Variants in GUF1 observed in about 807,000 individuals in gnomAD.
GUF1 encodes the protein translation factor GUF1, mitochondrial.
GUF1 carries 78 observed loss-of-function variants against 82.4 expected under a neutral mutation model. The ratio of observed to expected loss-of-function variants is 0.95; its 90% CI spans 0.79 to 1.14. The LOEUF (loss-of-function observed/expected upper bound fraction) is 1.14, where lower values mean the gene tolerates loss of function less well. Among genes scored for constraint, GUF1 ranks in the 50% most tolerant of loss-of-function variants. The pLI is 0.00. For synonymous variants in GUF1, 279 were observed against 282.3 expected, an observed-to-expected ratio of 0.99 and a Z score of 0.12; for missense variants, 814 against 798.2, an observed-to-expected ratio of 1.02 and a Z score of -0.24.
At chr4:44,691,139 T>A (rs1375669683) in intron 12 of GUF1, among the ~76,000 whole-genome samples, 2 of 151,708 alleles carry the variant, frequency 1.3e-5, no homozygotes, top group East Asian at 3.9e-4. Flanking sequence ...TAATTTCGCC[T>A]TTTTGAGTAG....
chr4:44,690,639 TTAAAA>T, intron 11 of GUF1, 73 bp from the exon 12 acceptor site: 1 of 834,170 alleles, frequency 1.2e-6, no homozygotes, highest in Non-Finnish European at 1.8e-6. Flanking sequence ...TGGAGGGATT[TTAAAA>T]TATAAGGCAA....
At position 44,686,649 on chromosome 4, in the gene GUF1, CAA is replaced by C. The variant is rs1414729447; in HGVS notation, c.877_878del (p.Lys293AspfsTer5). 5 of 1,611,714 alleles carry C rather than the reference CAA, an allele frequency of 3.1e-6. No individual in the cohort carries two copies. Among genetic ancestry groups the C allele is most frequent in the African/African-American group, 2.7e-5 (2 of 74,762 alleles). On this transcript the variant is annotated frameshift_variant, in exon 8 of 17. Transcript: ENST00000281543. LOFTEE classifies it high-confidence loss of function. Reference protein sequence around the residue: ...KGDKIVSAHTQKTYEVNEVGV... With the variant: ...KGDKIVSAHTXKTYEVNEVGV... ...AGATAAAATTGTATCTGCACATACT[CAA>C]AAGACATACGAAGTTAATGAAGTAG...
intron 9 of GUF1, among the ~76,000 whole-genome samples, chr4:44,688,978 A>T (rs1279562386): frequency 4.0e-5 from 6 of 149,520 alleles, no homozygotes; most frequent in Non-Finnish European, 7.4e-5. Flanking sequence ...TTGAAATTAC[A>T]CTGTGTTTTC....
intron 3 of GUF1, 122 bp from the exon 4 acceptor site, chr4:44,681,001 A>G: frequency 2.7e-6 from 3 of 1,115,276 alleles, no homozygotes; most frequent in Non-Finnish European, 4.0e-6. Flanking sequence ...TCAAAAGTGC[A>G]GGCTACAAAA....
rs938377469 is a variant in GUF1 at position 44,678,528 on chromosome 4, T to C, written c.-95T>C. 7.0e-5 allele frequency: 71 copies of C among 1,018,488 alleles called. No individual in the cohort carries two copies. In the African/African-American group the frequency reaches 1.1e-3, roughly 16 times the overall value. The allele number at this position is 1,018,488 out of a possible 1,614,324, so 63.1% of individuals were successfully genotyped here. On this transcript the variant is annotated 5_prime_UTR_variant, in exon 1 of 17. Transcript: ENST00000281543. Reference sequence around the variant, plus strand: ...CTTCACAGGATCTGTTTGAGTCCTGTCCACCGGATCCTACGGGGGGTACCT... The same window carrying C: ...CTTCACAGGATCTGTTTGAGTCCTGCCCACCGGATCCTACGGGGGGTACCT...
At chr4:44,680,169 G>C (rs779672869) in intron 1 of GUF1, among the ~76,000 whole-genome samples, 6 of 152,040 alleles carry the variant, frequency 3.9e-5, no homozygotes, top group Admixed American at 6.5e-5. Flanking sequence ...CTCCATTCAC[G>C]ATAATAAATT....
intron 13 of GUF1, chr4:44,693,851 T>G (rs981121937): frequency 1.3e-5 from 2 of 152,688 alleles, no homozygotes; most frequent in Non-Finnish European, 2.9e-5. Flanking sequence ...ACACTTATTA[T>G]GTACTAGGCA....
At position 44,691,713 on chromosome 4, in the gene GUF1, A is replaced by ATATCATAATT; in HGVS notation, c.1527_1528insTATCATAATT (p.Val510TyrfsTer7). 2 of 1,583,884 alleles carry ATATCATAATT rather than the reference A, an allele frequency of 1.3e-6. No homozygotes were observed. Among genetic ancestry groups the ATATCATAATT allele is most frequent in the Non-Finnish European group, 1.7e-6 (2 of 1,157,652 alleles). On this transcript the variant is annotated frameshift_variant, in exon 13 of 17. Coordinates refer to ENST00000281543, the MANE Select transcript of GUF1 (RefSeq NM_021927.3). LOFTEE classifies it high-confidence loss of function. ...ATATGATATTTATTGATCAAAATAG[A>ATATCATAATT]GTTATGCTTAAATATCTCTTTCCTT...
At position 44,699,341 on chromosome 4, in the gene GUF1, C is replaced by T. The variant is rs1424857559; in HGVS notation, c.*660C>T. 6.6e-6 allele frequency: 1 copy of T among 152,246 alleles called. No homozygotes were observed. The highest frequency in any genetic ancestry group is 6.5e-5 in the Admixed American group (1 of 15,276). The allele number at this position is 152,246 out of a possible 1,614,324, so 9.4% of individuals were successfully genotyped here. On this transcript the variant is annotated 3_prime_UTR_variant, in exon 17 of 17. Transcript: ENST00000281543. ...TCCATTACAGGCGTGCACCACCATG[C>T]TCGGCTAATTTTTTGTATCTTTAGT...
In GUF1 at chr4:44,695,726, A is replaced by T. The variant is rs780220319; in HGVS notation, c.1827A>T (p.Ala609=). 1 of 1,610,468 alleles carries T rather than the reference A, an allele frequency of 6.2e-7. No individual in the cohort carries two copies. Among genetic ancestry groups the T allele is most frequent in the Non-Finnish European group, 8.5e-7 (1 of 1,178,988 alleles). Residue 609 remains alanine (A), a synonymous_variant, in exon 15 of 17, where the codon GCA becomes GCT. Coordinates refer to ENST00000281543, the MANE Select transcript of GUF1 (RefSeq NM_021927.3). ...CTGCTATTGGAAGTAAAATCATTGC[A>T]AGAGAAACGTGAGTTGAAATTCATT... ...IQAAIGSKII[A]RETVKAYRKN...
chr4:44,687,761 A>G lies in GUF1; in HGVS notation c.939-246A>G, dbSNP rs572977116. Among the ~76,000 whole-genome samples, 4 of 152,078 alleles carry G rather than the reference A, an allele frequency of 2.6e-5. No individual in the cohort carries two copies. The South Asian group carries it at 8.3e-4, about 32-fold the overall frequency. On this transcript the variant is annotated intron_variant, in intron 8 of 16. Coordinates refer to ENST00000281543, the MANE Select transcript of GUF1 (RefSeq NM_021927.3). ...TTTAGAAACTGCTGTTTAAATTGCAAAGGTTGGCAGAATCATGAAAAAGGC... is the reference window on the plus strand; with the variant it reads ...TTTAGAAACTGCTGTTTAAATTGCAGAGGTTGGCAGAATCATGAAAAAGGC...
Position 44,678,664 on chromosome 4 carries a change from T to G in GUF1, c.42T>G (p.Ala14=). The part of the protein sequence containing the change: ...LVGRGWGCAR[A]LAPRATGAAL... Reference sequence around the variant, plus strand: ...GTCGGGGCTGGGGGTGCGCACGCGCTCTCGCGCCACGAGCCACTGGGGCCG... The same window carrying G: ...GTCGGGGCTGGGGGTGCGCACGCGCGCTCGCGCCACGAGCCACTGGGGCCG... Residue 14 remains alanine (A), a synonymous_variant, in exon 1 of 17, where the codon GCT becomes GCG. Transcript: ENST00000281543. The G allele has an allele frequency of 4.7e-6, 7 of 1,490,292 alleles. No homozygotes were observed. Among genetic ancestry groups the G allele is most frequent in the Non-Finnish European group, 6.2e-6 (7 of 1,134,286 alleles). The allele number at this position is 1,490,292 out of a possible 1,614,324, so 92.3% of individuals were successfully genotyped here. A position where few individuals can be genotyped will look rare whatever the true frequency, so the allele number is the denominator to read the frequency against.
chr4:44,691,464 A>G (rs964556078), intron 12 of GUF1, among the ~76,000 whole-genome samples: 4 of 151,750 alleles, frequency 2.6e-5, no homozygotes, highest in Non-Finnish European at 4.4e-5. Flanking sequence ...GTTAAATGAA[A>G]TAGTGTTCAT....
intron 16 of GUF1, 62 bp from the exon 17 acceptor site, chr4:44,698,481 TA>T: frequency 1.5e-6 from 2 of 1,303,068 alleles, no homozygotes; most frequent in Non-Finnish European, 2.1e-6. Flanking sequence ...GATGCCGCTG[TA>T]ATCATATGAT....
intron 7 of GUF1, 76 bp downstream of exon 7, chr4:44,686,099 G>T (rs1001752755): frequency 2.1e-6 from 2 of 970,630 alleles, no homozygotes; most frequent in Admixed American, 3.8e-5. Flanking sequence ...ATAGTTCAAA[G>T]ACTGTCAGCT....
chr4:44,694,316 T>C (rs895573129), intron 13 of GUF1, 96 bp from the exon 14 acceptor site: 15 of 741,430 alleles, frequency 2.0e-5, no homozygotes, highest in Admixed American at 6.7e-5. Flanking sequence ...GGGAGTGTAA[T>C]GCGGTAGAAA....
chr4:44,683,300 A>G lies in GUF1; in HGVS notation c.651A>G (p.Pro217=). ...ENQIEKVFDI[P]SDECIKISAK... is the part of the protein sequence containing the mutation. ...AAATTGAGAAAGTGTTTGATATTCC[A>G]AGTGATGAATGTATTAAGGTAAAAT... The change falls in exon 6 of 17, where the codon CCA becomes CCG. Residue 217 remains proline, a synonymous_variant. Transcript: ENST00000281543. 1 of 1,577,924 alleles carries G rather than the reference A, an allele frequency of 6.3e-7. No individual in the cohort carries two copies. The highest frequency in any genetic ancestry group is 1.8e-5 in the Admixed American group (1 of 54,994).
chr4:44,691,720 C>T lies in GUF1; in HGVS notation c.1534C>T (p.Leu512Phe), dbSNP rs762325723. The stretch of plus-strand genomic sequence containing the variant: ...ATTTATTGATCAAAATAGAGTTATG[C>T]TTAAATATCTCTTTCCTTTGAATGA... ...MIFIDQNRVM[L>F]KYLFPLNEIV... Residue 512 changes from leucine (L) to phenylalanine (F), a missense_variant, in exon 13 of 17, where the codon CTT becomes TTT. Coordinates refer to ENST00000281543, the MANE Select transcript of GUF1 (RefSeq NM_021927.3). 1 of 1,573,204 alleles carries T rather than the reference C, an allele frequency of 6.4e-7. No individual in the cohort carries two copies. Among genetic ancestry groups the T allele is most frequent in the African/African-American group, 1.4e-5 (1 of 73,754 alleles).
chr4:44,682,562 G>C (rs1227594006), intron 5 of GUF1, 151 bp downstream of exon 5: 1 of 410,848 alleles, frequency 2.4e-6, no homozygotes, highest in Non-Finnish European at 4.3e-6. Flanking sequence ...GTATATAACA[G>C]AAGTGCAACT....
Sources: allele counts gnomAD v4.1 joint callset (sites outside exome capture counted in the v4.1 genomes callset), GRCh38; gene constraint gnomAD v4.1.1; transcripts MANE v1.5; gene names NCBI Gene and HGNC (gene_info 2026-07-23, HGNC 2026-07-21).